Variants in KDM2B observed in about 807,000 individuals in gnomAD.
The protein encoded by KDM2B is lysine demethylase 2B.
A neutral mutation model predicts 150.0 loss-of-function variants in KDM2B; 26 were observed. The observed-to-expected ratio is 0.17, with a 90% CI of 0.13 to 0.24. The LOEUF is 0.24. Ranked by LOEUF, KDM2B falls within the 10% of genes least tolerant of loss-of-function variation. The pLI is 1.00. For synonymous variants in KDM2B, 734 were observed against 729.5 expected (o/e 1.01, Z -0.10); for missense variants, 1,265 against 1,816.9 (o/e 0.70, Z 5.52).
At chr12:121,460,732 TAG>T (rs1878995333) in intron 12 of KDM2B, among the ~76,000 whole-genome samples, 1 of 152,134 alleles carries the variant, frequency 6.6e-6, no homozygotes, top group Non-Finnish European at 1.5e-5. Flanking sequence ...ACTTAAGTGC[TAG>T]TCATTCATCA....
At chr12:121,492,745 C>T (rs1477565704) in intron 12 of KDM2B, among the ~76,000 whole-genome samples, 1 of 151,064 alleles carries the variant, frequency 6.6e-6, no homozygotes. Flanking sequence ...AGGAGAATCG[C>T]TTGAACTCCG....
At chr12:121,423,862 A>C in the KDM2B span, 2 of 367,708 alleles carry the variant, frequency 5.4e-6, no homozygotes, top group Non-Finnish European at 1.0e-5. The surrounding 1 kb of genome is among the most constrained non-coding windows in gnomAD (Gnocchi z 4.3). Flanking sequence ...GGCATCAGCC[A>C]CTGCTGTCTT....
intron 8 of KDM2B, among the ~76,000 whole-genome samples, chr12:121,523,509 C>G (rs1192376739): frequency 1.3e-5 from 2 of 152,196 alleles, no homozygotes; most frequent in Non-Finnish European, 2.9e-5. Flanking sequence ...CCTCTGCCCC[C>G]CAAGCCCGAG....
At chr12:121,534,628 G>T in intron 6 of KDM2B, 38 bp from the exon 7 acceptor site, 1 of 1,491,076 alleles carries the variant, frequency 6.7e-7, no homozygotes, top group Non-Finnish European at 9.4e-7. Flanking sequence ...CACAAGTCAA[G>T]ATCTAAATCA....
At chr12:121,535,101 G>T (rs1378480696) in intron 6 of KDM2B, among the ~76,000 whole-genome samples, 1 of 151,844 alleles carries the variant, frequency 6.6e-6, no homozygotes, top group African/African-American at 2.4e-5. Flanking sequence ...CAGAGGTCCA[G>T]CCCCGAGCCA....
chr12:121,536,084 C>T (rs1239307228), intron 6 of KDM2B: 12 of 985,712 alleles, frequency 1.2e-5, no homozygotes, highest in Non-Finnish European at 1.4e-5. Flanking sequence ...GGGGCGGGGA[C>T]GGACAGGGAG....
the KDM2B span, among the ~76,000 whole-genome samples, chr12:121,422,051 C>G: frequency 6.6e-6 from 1 of 152,210 alleles, no homozygotes; most frequent in Non-Finnish European, 1.5e-5. Flanking sequence ...AAATGGTTTT[C>G]TGGCAGTGAG....
At position 121,430,108 on chromosome 12, in the gene KDM2B, G is replaced by A. The variant is rs782531827; in HGVS notation, c.*180C>T. 9 of 1,607,938 alleles carry A rather than the reference G, an allele frequency of 5.6e-6. No homozygotes were observed. The South Asian group carries it at 9.9e-5, about 18-fold the overall frequency. On this transcript the variant is annotated 3_prime_UTR_variant, in exon 23 of 23. Transcript: ENST00000377071. This position sits in a 1 kb window ranked among gnomAD's most constrained non-coding sequence, Gnocchi z 4.4. ...TACGATTCAGAAAGACCAAAGGAAA[G>A]TGTCGGCTCACTCATCCCCCAAACG...
intron 12 of KDM2B, among the ~76,000 whole-genome samples, chr12:121,472,593 A>G (rs985364798): frequency 5.3e-5 from 8 of 152,238 alleles, no homozygotes; most frequent in Non-Finnish European, 5.9e-5. Flanking sequence ...TTACGTTACC[A>G]AAAACCACCC....
Position 121,534,600 on chromosome 12 carries a change from A to C in KDM2B, c.684-10T>G. 1 of 1,592,066 alleles carries C rather than the reference A, an allele frequency of 6.3e-7. No individual in the cohort carries two copies. On this transcript the variant is annotated splice_polypyrimidine_tract_variant and intron_variant, in intron 6 of 22. Transcript: ENST00000377071. ...GCTCATCAGACAGTACCTGCAACAC[A>C]GAGGCAGGGAGACAGAACACAAGTC...
intron 4 of KDM2B, among the ~76,000 whole-genome samples, chr12:121,554,619 C>T (rs1255104925): frequency 6.6e-6 from 1 of 152,122 alleles, no homozygotes. Context: ...CCATGTTGTC[C>T]AGGCTGGTCT....
At chr12:121,582,088 C>T (rs542720903), upstream of KDM2B, among the ~76,000 whole-genome samples, 35 of 152,334 alleles carry the variant, frequency 2.3e-4, 1 homozygote, top group South Asian at 3.7e-3. Context: ...CGTGTGAGTG[C>T]TGCCGGTTCT....
intron 12 of KDM2B, among the ~76,000 whole-genome samples, chr12:121,485,718 C>T (rs1348077899): frequency 6.6e-6 from 1 of 151,792 alleles, no homozygotes; most frequent in East Asian, 1.9e-4. Context: ...GTGATGGCTG[C>T]ACAACACGTT....
At chr12:121,415,031 C>T in the KDM2B span, among the ~76,000 whole-genome samples, 2 of 151,556 alleles carry the variant, frequency 1.3e-5, no homozygotes, top group East Asian at 2.0e-4. Context: ...GGGAGGCGGA[C>T]GTTGCAGTGA....
At chr12:121,573,754 A>AT (rs1363845713) in intron 4 of KDM2B, among the ~76,000 whole-genome samples, 1 of 151,564 alleles carries the variant, frequency 6.6e-6, no homozygotes, top group Non-Finnish European at 1.5e-5. Flanking sequence ...CGCCTGGCTA[A>AT]TTTTTTGTAT....
intron 4 of KDM2B, among the ~76,000 whole-genome samples, chr12:121,567,763 TA>T: frequency 6.9e-6 from 1 of 144,552 alleles, no homozygotes; most frequent in Middle Eastern, 3.5e-3. Flanking sequence ...CAGGCTGGAG[TA>T]TAGTGGTGCA....
At chr12:121,425,306 CAAAAA>C (rs562993599), downstream of KDM2B, among the ~76,000 whole-genome samples, 2 of 79,136 alleles carry the variant, frequency 2.5e-5, no homozygotes, top group Non-Finnish European at 3.3e-5. Context: ...AACTCCGTCT[CAAAAA>C]AAAAAAAAAA....
intron 12 of KDM2B, among the ~76,000 whole-genome samples, chr12:121,488,154 A>T (rs1467351126): frequency 1.3e-5 from 2 of 152,164 alleles, no homozygotes; most frequent in Non-Finnish European, 2.9e-5. Context: ...CACAGCCATA[A>T]CTATTGCAAA....
Position 121,521,325 on chromosome 12 carries a change from C to A in KDM2B, c.932-225G>T, listed in dbSNP as rs1002307504. The stretch of plus-strand genomic sequence containing the variant: ...AGCCTCGAGCAGCCACTGTCTGGCT[C>A]AAGTCAGGAGCTGGGAAGCTGCAGA... On this transcript the variant is annotated intron_variant, in intron 8 of 22. Transcript: ENST00000377071. This position sits in a 1 kb window ranked among gnomAD's most constrained non-coding sequence, Gnocchi z 4.9. Among the ~76,000 whole-genome samples, 11 of 152,174 alleles carry A rather than the reference C, an allele frequency of 7.2e-5. No individual in the cohort carries two copies. Among genetic ancestry groups the A allele is most frequent in the Admixed American group, 2.0e-4 (3 of 15,286 alleles).
Sources: gnomAD v4.1 joint callset for allele counts (sites outside exome capture counted in the v4.1 genomes callset) on GRCh38, gnomAD v4.1.1 for gene constraint, Gnocchi (gnomAD v3.1) non-coding constraint, MANE v1.5 for transcripts, NCBI Gene and HGNC (gene_info 2026-07-23, HGNC 2026-07-21) for gene names.